The following PLIN5 variants were observed in gnomAD, a reference collection of about 807,000 sequenced individuals.
The protein encoded by PLIN5 is perilipin 5, also known as perilipin-5.
A neutral mutation model predicts 32.8 loss-of-function variants in PLIN5; 34 were observed. That is an observed-to-expected ratio of 1.04 (90% CI 0.79 to 1.38). The LOEUF (loss-of-function observed/expected upper bound fraction) is 1.38, where lower values mean the gene tolerates loss of function less well. Among genes scored for constraint, PLIN5 ranks in the 40% most tolerant of loss-of-function variants. The probability of loss-of-function intolerance (pLI) is 0.00; values close to 1 mark genes in which losing one functional copy is unlikely to be tolerated. For synonymous variants in PLIN5, 309 were observed against 292.9 expected (o/e 1.05, Z -0.56); for missense variants, 712 against 660.5 (o/e 1.08, Z -0.85).
In PLIN5 at chr19:4,523,748, T is replaced by C; in HGVS notation, c.1172A>G (p.Asp391Gly). The change falls in exon 8 of 8, where the codon GAC becomes GGC. Residue 391 changes from aspartate to glycine, a missense_variant. By Grantham distance (94) the Asp-to-Gly change is moderately conservative. Transcript: ENST00000381848. This position sits in a 1 kb window ranked among gnomAD's most constrained non-coding sequence, Gnocchi z 5.0. Reference protein sequence around the residue: ...ILVERPEPLPDLADLVDEVIG... With the variant: ...ILVERPEPLPGLADLVDEVIG... ...GACCTCGTCCACCAGGTCCGCCAGG[T>C]CGGGCAGGGGCTCGGGTCGCTCCAC... The C allele has an allele frequency of 2.5e-6, 4 of 1,600,478 alleles. No individual in the cohort carries two copies. Among genetic ancestry groups the C allele is most frequent in the Non-Finnish European group, 3.4e-6 (4 of 1,179,496 alleles).
At position 4,527,552 on chromosome 19, in the gene PLIN5, A is replaced by C. The variant is rs1044520155; in HGVS notation, c.520+1521T>G. On this transcript the variant is annotated intron_variant, in intron 5 of 7. Coordinates refer to ENST00000381848, the MANE Select transcript of PLIN5 (RefSeq NM_001013706.3). Reference sequence around the variant, plus strand: ...AGACTCCACTTCAAAAAAAAAAAAAAAAAAAAAAAAAAAACAACAATGGTT... The same window carrying C: ...AGACTCCACTTCAAAAAAAAAAAAACAAAAAAAAAAAAAACAACAATGGTT... 1.9e-4 allele frequency among the ~76,000 whole-genome samples: 29 copies of C among 148,822 alleles called. No individual in the cohort carries two copies. The East Asian group carries it at 4.8e-3, about 25-fold the overall frequency.
rs541822476 is a variant in PLIN5 at position 4,525,868 on chromosome 19, G to A, written c.521-36C>T. On this transcript the variant is annotated intron_variant, in intron 5 of 7. Transcript: ENST00000381848. The surrounding 1 kb of genome is among the most constrained non-coding windows in gnomAD (Gnocchi z 5.6). Reference sequence around the variant, plus strand: ...GGATACGGGGACAGCACGGGGACAGGATACGGGGACAGCACGGGGACAGGA... The same window carrying A: ...GGATACGGGGACAGCACGGGGACAGAATACGGGGACAGCACGGGGACAGGA... The A allele has an allele frequency of 1.4e-6, 2 of 1,437,152 alleles. No individual in the cohort carries two copies. Among genetic ancestry groups the A allele is most frequent in the Admixed American group, 4.0e-5 (2 of 50,104 alleles). 89.0% of individuals were successfully genotyped at this position (1,437,152 alleles called of 1,614,324 possible). A position where few individuals can be genotyped will look rare whatever the true frequency, so the allele number is the denominator to read the frequency against.
chr19:4,523,714 G>A lies in PLIN5; in HGVS notation c.1206C>T (p.Gly402=), dbSNP rs1672129363. 1.9e-6 allele frequency: 3 copies of A among 1,603,248 alleles called. No individual in the cohort carries two copies. The highest frequency in any genetic ancestry group is 2.7e-5 in the African/African-American group (2 of 74,888). ...CCAGGTGCGCCCAGCGGGGGTCAGG[G>A]CCCCCGATGACCTCGTCCACCAGGT... ...LADLVDEVIG[G]PDPRWAHLDW... Residue 402 remains glycine (G), a synonymous_variant, in exon 8 of 8, where the codon GGC becomes GGT. Transcript: ENST00000381848. This position sits in a 1 kb window ranked among gnomAD's most constrained non-coding sequence, Gnocchi z 5.0.
intron 2 of PLIN5, 85 bp from the exon 3 acceptor site, chr19:4,531,907 G>T (rs76461382): frequency 1.5e-6 from 2 of 1,353,504 alleles, no homozygotes; most frequent in Non-Finnish European, 1.9e-6. Context: ...TCTGGGCCAG[G>T]ACGAGGGATG....
Position 4,524,954 on chromosome 19 carries a change from C to T in PLIN5, c.834+9G>A, listed in dbSNP as rs370537029. ...GACACCACCTCACCTGGCACTCCTG[C>T]GGTCTCACCTGGCTCCGGCGGCGGC... On this transcript the variant is annotated intron_variant, in intron 7 of 7. Transcript: ENST00000381848. 5.6e-5 allele frequency: 86 copies of T among 1,529,356 alleles called. No individual in the cohort carries two copies. The highest frequency in any genetic ancestry group is 2.3e-4 in the Middle Eastern group (1 of 4,350). 94.7% of individuals were successfully genotyped at this position (1,529,356 alleles called of 1,614,324 possible).
At chr19:4,527,538 C>T (rs1300710806) in intron 5 of PLIN5, among the ~76,000 whole-genome samples, 14 of 29,610 alleles carry the variant, frequency 4.7e-4, no homozygotes, top group African/African-American at 1.7e-3. Context: ...GACTCCACTT[C>T]AAAAAAAAAA....
chr19:4,526,896 TAA>T (rs917591150), intron 5 of PLIN5, among the ~76,000 whole-genome samples: 1 of 148,106 alleles, frequency 6.8e-6, no homozygotes, highest in Non-Finnish European at 1.5e-5. Context: ...TGAAAAATAA[TAA>T]AAAAAGAGAA....
chr19:4,534,915 G>C (rs776003673), intron 1 of PLIN5, among the ~76,000 whole-genome samples: 11 of 152,190 alleles, frequency 7.2e-5, no homozygotes, highest in Non-Finnish European at 1.3e-4. Flanking sequence ...AGAGTTACAG[G>C]GGGGGAGCTC....
intron 4 of PLIN5, 156 bp downstream of exon 4, chr19:4,529,628 C>CGTATATACATATATGTAT (rs1555695805): frequency 7.2e-5 from 36 of 503,200 alleles, no homozygotes; most frequent in Non-Finnish European, 1.0e-4. Flanking sequence ...CACACACACA[C>CGTATATACATATATGTAT]ACACACACAC....
intron 7 of PLIN5, among the ~76,000 whole-genome samples, 154 bp downstream of exon 7, chr19:4,524,809 C>T (rs1321798060): frequency 6.6e-6 from 1 of 152,152 alleles, no homozygotes; most frequent in East Asian, 1.9e-4. Flanking sequence ...GTTTCCCCCC[C>T]CAGACACCTC....
At chr19:4,532,380 T>A (rs1267287141) in intron 2 of PLIN5, 1 of 152,372 alleles carries the variant, frequency 6.6e-6, no homozygotes, top group Non-Finnish European at 1.5e-5. Context: ...TGTTTGTGTA[T>A]TTTTAGTAGA....
At chr19:4,531,481 AGGACAGGTGGCATGGCAGTG>A in intron 3 of PLIN5, 126 bp downstream of exon 3, 1 of 749,868 alleles carries the variant, frequency 1.3e-6, no homozygotes, top group Non-Finnish European at 2.0e-6. Context: ...GAAGAGATTG[AGGACAGGTGGCATGGCAGTG>A]GGACAGGTGG....
chr19:4,532,373 T>A (rs1976898162), intron 2 of PLIN5: 1 of 152,336 alleles, frequency 6.6e-6, no homozygotes, highest in African/African-American at 2.4e-5. Context: ...TTTGTTTTGT[T>A]TGTGTATTTT....
chr19:4,532,985 T>TA (rs1976904998), intron 2 of PLIN5: 1 of 152,086 alleles, frequency 6.6e-6, no homozygotes, highest in African/African-American at 2.4e-5. Flanking sequence ...ATATTTTTTT[T>TA]ATCTGCATTT....
chr19:4,527,224 C>T (rs1003742398), intron 5 of PLIN5, among the ~76,000 whole-genome samples: 5 of 151,920 alleles, frequency 3.3e-5, no homozygotes, highest in African/African-American at 7.2e-5. Context: ...TACAGGCACC[C>T]GCCACCACGC....
chr19:4,523,802 C>A lies in PLIN5; in HGVS notation c.1118G>T (p.Trp373Leu). 1 of 1,596,292 alleles carries A rather than the reference C, an allele frequency of 6.3e-7. No homozygotes were observed. Among genetic ancestry groups the A allele is most frequent in the Non-Finnish European group, 8.5e-7 (1 of 1,178,362 alleles). ...GATGGGCGCGAAGGGTCCCACCAGC[C>A]AGGGCAGCGGCACGGCCTGCACCAC... is the stretch of plus-strand genomic sequence containing the variant. The part of the protein sequence containing the change: ...ELVVQAVPLP[W>L]LVGPFAPILV... Residue 373 changes from tryptophan to leucine, a missense_variant, in exon 8 of 8, where the codon TGG (tryptophan) becomes TTG (leucine). Trp to Leu is a moderately conservative substitution (Grantham distance 61). Coordinates refer to ENST00000381848, the MANE Select transcript of PLIN5 (RefSeq NM_001013706.3). This position sits in a 1 kb window ranked among gnomAD's most constrained non-coding sequence, Gnocchi z 5.0.
At position 4,529,248 on chromosome 19, in the gene PLIN5, C is replaced by T. The variant is rs1323513631; in HGVS notation, c.345G>A (p.Val115=). The T allele has an allele frequency of 2.5e-6, 4 of 1,600,994 alleles. No individual in the cohort carries two copies. The highest frequency in any genetic ancestry group is 3.4e-6 in the Non-Finnish European group (4 of 1,172,662). The change falls in exon 5 of 8, where the codon GTG becomes GTA. Residue 115 remains valine (V), a synonymous_variant. Coordinates refer to ENST00000381848, the MANE Select transcript of PLIN5 (RefSeq NM_001013706.3). The part of the protein sequence containing the change: ...PFLQQPSETV[V]TSAKDVVASS... ...TGGCCACCACGTCCTTGGCTGAGGTCACCACCTGGAAGGAAGGGCCCCCCC... is the reference window on the plus strand; with the variant it reads ...TGGCCACCACGTCCTTGGCTGAGGTTACCACCTGGAAGGAAGGGCCCCCCC...
At chr19:4,531,940 T>C in intron 2 of PLIN5, 118 bp from the exon 3 acceptor site, 1 of 1,053,440 alleles carries the variant, frequency 9.5e-7, no homozygotes, top group African/African-American at 1.6e-5. Context: ...GATGGAGTAC[T>C]GAGCACCCCG....
In PLIN5 at chr19:4,534,014, C is replaced by A. The variant is rs761179604; in HGVS notation, c.60+1G>T. 6 of 1,612,456 alleles carry A rather than the reference C, an allele frequency of 3.7e-6. No individual in the cohort carries two copies. The South Asian group carries it at 6.6e-5, about 18-fold the overall frequency. On this transcript the variant is annotated splice_donor_variant, in intron 2 of 7. Coordinates refer to ENST00000381848, the MANE Select transcript of PLIN5 (RefSeq NM_001013706.3). LOFTEE classifies it high-confidence loss of function. ...TGCTCCATGGGAGGGGCAGCCCTCA[C>A]CTGCTGGTCCTGCTCCCACACACTG...
Sources: gnomAD v4.1 joint callset for allele counts (sites outside exome capture counted in the v4.1 genomes callset) on GRCh38, gnomAD v4.1.1 for gene constraint, Gnocchi (gnomAD v3.1) non-coding constraint, MANE v1.5 for transcripts, NCBI Gene and HGNC (gene_info 2026-07-23, HGNC 2026-07-21) for gene names.